Variants in ABHD2 observed in about 807,000 individuals in gnomAD.
ABHD2 encodes the protein abhydrolase domain containing 2, acylglycerol lipase, also known as monoacylglycerol lipase ABHD2.
In ABHD2, 20 loss-of-function variants were observed where a neutral mutation model predicts 48.1. The ratio of observed to expected loss-of-function variants is 0.42; its 90% CI spans 0.29 to 0.60. The LOEUF (loss-of-function observed/expected upper bound fraction) is 0.60, where lower values mean the gene tolerates loss of function less well. ABHD2 is among the 20% of genes least tolerant of loss of function. ABHD2 has a pLI of 0.24. For synonymous variants in ABHD2, 209 were observed against 214.2 expected (o/e 0.98, Z 0.21); for missense variants, 405 against 550.9 (o/e 0.74, Z 2.65).
intron 3 of ABHD2, among the ~76,000 whole-genome samples, chr15:89,149,214 AAC>A (rs35689320): frequency 0.35 from 52,496 of 147,966 alleles, 9,728 homozygotes; most frequent in East Asian, 0.75. Context: ...ATTGATCCCT[AAC>A]ACACACACAC....
chr15:89,181,640 A>C (rs2051117168), intron 6 of ABHD2, among the ~76,000 whole-genome samples: 1 of 152,178 alleles, frequency 6.6e-6, no homozygotes, highest in Admixed American at 6.5e-5. Flanking sequence ...GTCTCTCAGC[A>C]CTCTGAGACA....
chr15:89,069,672 C>CTTTTTTT, the ABHD2 span, among the ~76,000 whole-genome samples: 1 of 25,800 alleles, frequency 3.9e-5, no homozygotes, highest in Non-Finnish European at 8.7e-5. Flanking sequence ...TGTTCATTTA[C>CTTTTTTT]TCTTTTTTTT....
the ABHD2 span, among the ~76,000 whole-genome samples, chr15:89,042,665 G>A: frequency 3.1e-5 from 4 of 127,236 alleles, no homozygotes; most frequent in African/African-American, 5.9e-5. Context: ...TTTCTTTTTC[G>A]AGACAGAGTC....
intron 1 of ABHD2, among the ~76,000 whole-genome samples, chr15:89,099,444 A>G (rs1482734761): frequency 6.6e-6 from 1 of 151,980 alleles, no homozygotes; most frequent in African/African-American, 2.4e-5. Context: ...TGCAACAACA[A>G]CAACAACAAG....
chr15:89,098,306 C>A (rs759573156), intron 1 of ABHD2, among the ~76,000 whole-genome samples: 2 of 152,138 alleles, frequency 1.3e-5, no homozygotes, highest in African/African-American at 2.4e-5. Flanking sequence ...TGTGATTGTG[C>A]TAGAGTCCTC....
In ABHD2 at chr15:89,125,089, C is replaced by CAA. The variant is rs71723586; in HGVS notation, c.194+8580_194+8581dup. On this transcript the variant is annotated intron_variant, in intron 3 of 10. Coordinates refer to ENST00000352732, the MANE Select transcript of ABHD2 (RefSeq NM_152924.5). ...TGGGGACAAGAGTGAGACTTTGTCTCAAAAAAAAAAAAACCAGTTAGTTGG... is the reference window on the plus strand; with the variant it reads ...TGGGGACAAGAGTGAGACTTTGTCTCAAAAAAAAAAAAAAACCAGTTAGTTGG... Among the ~76,000 whole-genome samples the CAA allele has an allele frequency of 4.7e-3, 642 of 136,230 alleles. 3 individuals are homozygous for CAA. The highest frequency in any genetic ancestry group is 0.015 in the African/African-American group (591 of 38,136). The allele number at this position is 136,230 out of a possible 152,430, so 89.4% of individuals were successfully genotyped here.
At chr15:89,108,540 G>T (rs2049823545) in intron 1 of ABHD2, among the ~76,000 whole-genome samples, 1 of 152,146 alleles carries the variant, frequency 6.6e-6, no homozygotes, top group Admixed American at 6.5e-5. Context: ...TGAATTTTGT[G>T]GGGAGGGTCC....
the ABHD2 span, among the ~76,000 whole-genome samples, chr15:89,071,007 C>T: frequency 2.0e-5 from 3 of 152,194 alleles, no homozygotes; most frequent in East Asian, 5.8e-4. Context: ...TGGTAGACTG[C>T]ATTATTAAAT....
the ABHD2 span, among the ~76,000 whole-genome samples, chr15:89,050,220 C>A: frequency 0.019 from 2,861 of 152,254 alleles, 85 homozygotes; most frequent in African/African-American, 0.065. Context: ...CCAGAAGCCA[C>A]ACACATGAAC....
the ABHD2 span, among the ~76,000 whole-genome samples, chr15:89,081,745 G>C: frequency 6.6e-6 from 1 of 152,068 alleles, no homozygotes; most frequent in Non-Finnish European, 1.5e-5. Flanking sequence ...CAGCTACTCG[G>C]GAGGCTGAGG....
rs1312607982 is a variant in ABHD2, at chr15:89,094,007, G to A, written c.-107+5444G>A. On this transcript the variant is annotated intron_variant, in intron 1 of 10. Transcript: ENST00000352732. This position sits in a 1 kb window ranked among gnomAD's most constrained non-coding sequence, Gnocchi z 4.7. ...CTCTGAGTCTGGTTTAGAGCCACCT[G>A]GAAATTGAATGGAATCTTTAGTCTA... is the stretch of plus-strand genomic sequence containing the variant. The A allele has an allele frequency of 6.6e-6, 1 of 152,158 alleles. No homozygotes were observed. The highest frequency in any genetic ancestry group is 2.4e-5 in the African/African-American group (1 of 41,428). 9.4% of individuals were successfully genotyped at this position (152,158 alleles called of 1,614,324 possible). A position where few individuals can be genotyped will look rare whatever the true frequency, so the allele number is the denominator to read the frequency against.
chr15:89,091,734 G>C lies in ABHD2; in HGVS notation c.-107+3171G>C, dbSNP rs1291512988. 6.6e-6 allele frequency among the ~76,000 whole-genome samples: 1 copy of C among 152,150 alleles called. No individual in the cohort carries two copies. Among genetic ancestry groups the C allele is most frequent in the Non-Finnish European group, 1.5e-5 (1 of 68,024 alleles). ...TTCCAATATAATTGAATTTTGTGTGGCAGAATTTCTACCATGACCTACAGC... is the reference window on the plus strand; with the variant it reads ...TTCCAATATAATTGAATTTTGTGTGCCAGAATTTCTACCATGACCTACAGC... On this transcript the variant is annotated intron_variant, in intron 1 of 10. Coordinates refer to ENST00000352732, the MANE Select transcript of ABHD2 (RefSeq NM_152924.5). The surrounding 1 kb of genome is among the most constrained non-coding windows in gnomAD (Gnocchi z 5.5).
chr15:89,135,936 T>C, intron 3 of ABHD2: 1 of 489,056 alleles, frequency 2.0e-6, no homozygotes, highest in East Asian at 4.0e-5. Context: ...CTTTTTTTTT[T>C]TTCTTTTGAG....
At chr15:89,046,362 T>C in the ABHD2 span, among the ~76,000 whole-genome samples, 1 of 152,146 alleles carries the variant, frequency 6.6e-6, no homozygotes, top group Non-Finnish European at 1.5e-5. Flanking sequence ...AATTCTCTTT[T>C]TTGGTTGTGT....
At chr15:89,042,589 TATTTA>T in the ABHD2 span, among the ~76,000 whole-genome samples, 489 of 23,480 alleles carry the variant, frequency 0.021, 1 homozygote, top group African/African-American at 0.082. Context: ...CTTTCTTTCT[TATTTA>T]TTTATTTATT....
rs1387458272 is a variant in ABHD2, at chr15:89,120,448, G to A, written c.194+3927G>A. Among the ~76,000 whole-genome samples the A allele has an allele frequency of 6.6e-6, 1 of 151,946 alleles. No individual in the cohort carries two copies. Among genetic ancestry groups the A allele is most frequent in the Non-Finnish European group, 1.5e-5 (1 of 67,978 alleles). ...CATTTTTTTAAATGGAAAAGGTAGA[G>A]CACACAAAAATTATCTATAAATGTT... is the stretch of plus-strand genomic sequence containing the variant. On this transcript the variant is annotated intron_variant, in intron 3 of 10. Coordinates refer to ENST00000352732, the MANE Select transcript of ABHD2 (RefSeq NM_152924.5). The surrounding 1 kb of genome is among the most constrained non-coding windows in gnomAD (Gnocchi z 4.2).
chr15:89,135,618 CT>C (rs2050296497), intron 3 of ABHD2: 2 of 1,546,156 alleles, frequency 1.3e-6, no homozygotes, highest in South Asian at 1.1e-5. Context: ...CCTCTTCCTT[CT>C]TTTTCTTGCT....
In ABHD2 at chr15:89,189,217, G is replaced by T. The variant is rs1408400163; in HGVS notation, c.926+914G>T. 1.3e-5 allele frequency among the ~76,000 whole-genome samples: 2 copies of T among 152,178 alleles called. No homozygotes were observed. The highest frequency in any genetic ancestry group is 4.8e-5 in the African/African-American group (2 of 41,440). On this transcript the variant is annotated intron_variant, in intron 8 of 10. Transcript: ENST00000352732. This position sits in a 1 kb window ranked among gnomAD's most constrained non-coding sequence, Gnocchi z 4.9. ...CAATCATTTGAGGCCAGGAACAGTG[G>T]CTCATGCCTGTAATTCCAGCACTTG...
At chr15:89,169,919 T>A (rs1248792243) in intron 5 of ABHD2, among the ~76,000 whole-genome samples, 1 of 151,866 alleles carries the variant, frequency 6.6e-6, no homozygotes, top group Non-Finnish European at 1.5e-5. Context: ...CCCCAGGAAA[T>A]CAATATCTGC....
Sources: gnomAD v4.1 joint callset for allele counts (sites outside exome capture counted in the v4.1 genomes callset) on GRCh38, gnomAD v4.1.1 for gene constraint, Gnocchi (gnomAD v3.1) non-coding constraint, MANE v1.5 for transcripts, NCBI Gene and HGNC (gene_info 2026-07-23, HGNC 2026-07-21) for gene names.